Variants in PCDHGB4 observed in about 807,000 individuals in gnomAD.
PCDHGB4 encodes the protein protocadherin gamma subfamily B, 4, also known as protocadherin gamma-B4.
In PCDHGB4, 38 loss-of-function variants were observed where a neutral mutation model predicts 60.5. The ratio of observed to expected loss-of-function variants is 0.63; its 90% CI spans 0.48 to 0.82. The LOEUF is 0.82. Ranked by LOEUF, PCDHGB4 falls within the 40% of genes least tolerant of loss-of-function variation. The pLI is 0.00. For missense variants in PCDHGB4, 1,109 were observed against 1,209.6 expected (o/e 0.92, Z 1.23); for synonymous variants, 456 against 509.7 (o/e 0.89, Z 1.42).
rs184178455 is a variant in PCDHGB4 at position 141,428,574 on chromosome 5, T to C, written c.2397+38293T>C. ...CAGTCCCCCCACAAGATCTTTCTAA[T>C]GAAGTTTCTCTGGTAGCAAGCTTCA... is the stretch of plus-strand genomic sequence containing the variant. On this transcript the variant is annotated intron_variant, in intron 1 of 3. Transcript: ENST00000519479. 1.8e-3 allele frequency: 416 copies of C among 229,070 alleles called. 3 individuals are homozygous for C. The highest frequency in any genetic ancestry group is 2.8e-3 in the Non-Finnish European group (314 of 113,918). The allele number at this position is 229,070 out of a possible 1,614,324, so 14.2% of individuals were successfully genotyped here. A position where few individuals can be genotyped will look rare whatever the true frequency, so the allele number is the denominator to read the frequency against.
chr5:141,443,457 G>C (rs977253701), intron 1 of PCDHGB4, among the ~76,000 whole-genome samples: 12 of 152,194 alleles, frequency 7.9e-5, no homozygotes, highest in Non-Finnish European at 1.3e-4. Flanking sequence ...CTGTACTCCA[G>C]TCTGGGTGAC....
intron 1 of PCDHGB4, among the ~76,000 whole-genome samples, chr5:141,449,929 T>C (rs2098659723): frequency 6.6e-6 from 1 of 151,912 alleles, no homozygotes; most frequent in Non-Finnish European, 1.5e-5. Context: ...TACCATACCT[T>C]ATAGTATATT....
chr5:141,463,097 C>A (rs1333118215), intron 1 of PCDHGB4, among the ~76,000 whole-genome samples: 2 of 152,152 alleles, frequency 1.3e-5, no homozygotes, highest in East Asian at 3.8e-4. Context: ...CCCTATGTGA[C>A]CATCAAGAAT....
In PCDHGB4 at chr5:141,485,615, C is replaced by G; in HGVS notation, c.2398-9192C>G. ...CTTGGAAATTGGGGAGGCAGCTCCTCCAGGACAGCGTTTCCCGTTGGAAAA... is the reference window on the plus strand; with the variant it reads ...CTTGGAAATTGGGGAGGCAGCTCCTGCAGGACAGCGTTTCCCGTTGGAAAA... On this transcript the variant is annotated intron_variant, in intron 1 of 3. Coordinates refer to ENST00000519479, the MANE Select transcript of PCDHGB4 (RefSeq NM_003736.4). This position sits in a 1 kb window ranked among gnomAD's most constrained non-coding sequence, Gnocchi z 5.7. 6.2e-7 allele frequency: 1 copy of G among 1,612,250 alleles called. No individual in the cohort carries two copies. The highest frequency in any genetic ancestry group is 1.3e-5 in the African/African-American group (1 of 74,992).
At chr5:141,415,012 C>T (rs1451963535) in intron 1 of PCDHGB4, 2 of 1,613,644 alleles carry the variant, frequency 1.2e-6, no homozygotes, top group South Asian at 1.1e-5. Context: ...CTACCGTCTG[C>T]TCAAGGCCAG....
chr5:141,388,778 A>G lies in PCDHGB4; in HGVS notation c.894A>G (p.Glu298=). 6.2e-7 allele frequency: 1 copy of G among 1,613,944 alleles called. No homozygotes were observed. The highest frequency in any genetic ancestry group is 8.5e-7 in the Non-Finnish European group (1 of 1,179,836). The change falls in exon 1 of 4, where the codon GAA becomes GAG. Residue 298 remains glutamate (E), a synonymous_variant. Coordinates refer to ENST00000519479, the MANE Select transcript of PCDHGB4 (RefSeq NM_003736.4). ...TTGACCTGAACTCTAACACCGGGGA[A>G]ATTACTGTTTTAAATACATTAGATT... ...TQFDLNSNTG[E]ITVLNTLDFE...
rs1456451105 is a variant in PCDHGB4 at position 141,477,377 on chromosome 5, C to T, written c.2398-17430C>T. Reference sequence around the variant, plus strand: ...TGCAGACCTGGATCGGGAGACTGTGCCAGAATACAACCTCAGCATCACCGC... The same window carrying T: ...TGCAGACCTGGATCGGGAGACTGTGTCAGAATACAACCTCAGCATCACCGC... On this transcript the variant is annotated intron_variant, in intron 1 of 3. Coordinates refer to ENST00000519479, the MANE Select transcript of PCDHGB4 (RefSeq NM_003736.4). This position sits in a 1 kb window ranked among gnomAD's most constrained non-coding sequence, Gnocchi z 4.9. 1 of 1,614,144 alleles carries T rather than the reference C, an allele frequency of 6.2e-7. No homozygotes were observed. Among genetic ancestry groups the T allele is most frequent in the South Asian group, 1.1e-5 (1 of 91,080 alleles).
chr5:141,505,343 G>C (rs2099845454), intron 2 of PCDHGB4, 50 bp from the exon 3 acceptor site: 1 of 1,612,934 alleles, frequency 6.2e-7, no homozygotes, highest in Non-Finnish European at 8.5e-7. Context: ...GGAGGGGCAT[G>C]AGCTGTGCCG....
At position 141,424,135 on chromosome 5, in the gene PCDHGB4, G is replaced by A. The variant is rs572224199; in HGVS notation, c.2397+33854G>A. 1.1e-4 allele frequency: 47 copies of A among 431,606 alleles called. No individual in the cohort carries two copies. The South Asian group carries it at 4.6e-3, about 43-fold the overall frequency. The allele number at this position is 431,606 out of a possible 1,614,324, so 26.7% of individuals were successfully genotyped here. On this transcript the variant is annotated intron_variant, in intron 1 of 3. Coordinates refer to ENST00000519479, the MANE Select transcript of PCDHGB4 (RefSeq NM_003736.4). The stretch of plus-strand genomic sequence containing the variant: ...AAATTTTGATCCTGTTGATTTAATA[G>A]CATGCTCCCTCTAGCTCTCCTTCTC...
Position 141,388,994 on chromosome 5 carries a change from T to C in PCDHGB4, c.1110T>C (p.Arg370=). ...CACATATTGCTTTGCTCAAAGTCCG[T>C]GACAAGGATTCCAGACACAATGGAG... ...LGTHIALLKV[R]DKDSRHNGEV... Residue 370 remains arginine, a synonymous_variant, in exon 1 of 4, where the codon CGT becomes CGC. Coordinates refer to ENST00000519479, the MANE Select transcript of PCDHGB4 (RefSeq NM_003736.4). 1 of 1,614,042 alleles carries C rather than the reference T, an allele frequency of 6.2e-7. No homozygotes were observed. Among genetic ancestry groups the C allele is most frequent in the Non-Finnish European group, 8.5e-7 (1 of 1,179,910 alleles).
At chr5:141,393,583 C>A in intron 1 of PCDHGB4, 1 of 1,613,930 alleles carries the variant, frequency 6.2e-7, no homozygotes, top group Non-Finnish European at 8.5e-7. Context: ...AACATGCCCC[C>A]AGGCACGCGG....
intron 1 of PCDHGB4, chr5:141,418,140 A>C (rs1487263767): frequency 6.2e-7 from 1 of 1,613,986 alleles, no homozygotes; most frequent in African/African-American, 1.3e-5. Context: ...GACCGTGAGC[A>C]AATATGCAAA....
In PCDHGB4 at chr5:141,387,813, A is replaced by T; in HGVS notation, c.-72A>T. The T allele has an allele frequency of 3.9e-6, 6 of 1,531,348 alleles. No individual in the cohort carries two copies. The highest frequency in any genetic ancestry group is 5.3e-6 in the Non-Finnish European group (6 of 1,140,644). 94.9% of individuals were successfully genotyped at this position (1,531,348 alleles called of 1,614,324 possible). On this transcript the variant is annotated 5_prime_UTR_variant, in exon 1 of 4. Transcript: ENST00000519479. ...ACTAAAGTCCGTTCGGAGATCCAAA[A>T]ATCTGCAATACAGAGGTTATTTGTA...
At chr5:141,443,330 C>A (rs1005631067) in intron 1 of PCDHGB4, among the ~76,000 whole-genome samples, 44 of 139,282 alleles carry the variant, frequency 3.2e-4, no homozygotes, top group African/African-American at 4.5e-4. Flanking sequence ...AAAAAAAAAA[C>A]AAAAATTAAC....
rs1223986597 is a variant in PCDHGB4, at chr5:141,417,300, A to G, written c.2397+27019A>G. The G allele has an allele frequency of 2.0e-5, 3 of 152,440 alleles. No homozygotes were observed. In the East Asian group the frequency reaches 5.8e-4, roughly 29 times the overall value. The allele number at this position is 152,440 out of a possible 1,614,324, so 9.4% of individuals were successfully genotyped here. ...AAGGAACAAGAATGACTGCCTCTGG[A>G]TGGAGGAATTGGATAGCAATGGGCC... On this transcript the variant is annotated intron_variant, in intron 1 of 3. Coordinates refer to ENST00000519479, the MANE Select transcript of PCDHGB4 (RefSeq NM_003736.4).
intron 1 of PCDHGB4, among the ~76,000 whole-genome samples, chr5:141,425,133 A>T (rs1311425564): frequency 6.6e-6 from 1 of 152,200 alleles, no homozygotes; most frequent in Non-Finnish European, 1.5e-5. Flanking sequence ...GTCAAGAAAA[A>T]TGTTCAGGTA....
chr5:141,508,799 C>T (rs962590711), intron 3 of PCDHGB4, among the ~76,000 whole-genome samples: 1 of 152,110 alleles, frequency 6.6e-6, no homozygotes, highest in Non-Finnish European at 1.5e-5. Context: ...ACTCTGGAAT[C>T]CTGGCTCTTT....
chr5:141,390,867 C>CGTGT (rs61319619), intron 1 of PCDHGB4: 7,865 of 151,126 alleles, frequency 0.052, 273 homozygotes, highest in African/African-American at 0.097. Context: ...GCTGTGTGTG[C>CGTGT]GTGTGTGTGT....
intron 1 of PCDHGB4, chr5:141,413,901 C>T (rs375828969): frequency 1.5e-5 from 24 of 1,613,244 alleles, no homozygotes; most frequent in African/African-American, 1.1e-4. Context: ...CAAATGACAA[C>T]GCGCCGGTCT....
Sources: allele counts gnomAD v4.1 joint callset (sites outside exome capture counted in the v4.1 genomes callset), GRCh38; gene constraint gnomAD v4.1.1; non-coding constraint Gnocchi (gnomAD v3.1); transcripts MANE v1.5; gene names NCBI Gene and HGNC (gene_info 2026-07-23, HGNC 2026-07-21).